The following PAFAH1B2 variants were observed in gnomAD, a reference collection of about 807,000 sequenced individuals.
PAFAH1B2 encodes platelet-activating factor acetylhydrolase IB subunit alpha2.
A neutral mutation model predicts 28.0 loss-of-function variants in PAFAH1B2; 8 were observed. The observed-to-expected ratio is 0.29, with a 90% CI of 0.17 to 0.52. The LOEUF (loss-of-function observed/expected upper bound fraction) is 0.52, where lower values mean the gene tolerates loss of function less well. Ranked by LOEUF, PAFAH1B2 falls within the 20% of genes least tolerant of loss-of-function variation. The pLI is 0.97. For synonymous variants in PAFAH1B2, 104 were observed against 103.2 expected (o/e 1.01, Z -0.05); for missense variants, 190 against 282.6 (o/e 0.67, Z 2.35).
In PAFAH1B2 at chr11:117,168,446, G is replaced by GTTTTTT. The variant is rs71469127; in HGVS notation, c.*767_*772dup. 2.5e-3 allele frequency: 580 copies of GTTTTTT among 235,362 alleles called. 1 individual carries two copies. The highest frequency in any genetic ancestry group is 6.1e-3 in the East Asian group (35 of 5,720). 14.6% of individuals were successfully genotyped at this position (235,362 alleles called of 1,614,324 possible). On this transcript the variant is annotated 3_prime_UTR_variant, in exon 6 of 6. Coordinates refer to ENST00000527958, the MANE Select transcript of PAFAH1B2 (RefSeq NM_002572.4). ...TCCCCTTCATTCCCCCCGCCACCCC[G>GTTTTTT]TTTTTTTTTTTTTTTTTTTTTTTTT...
At chr11:117,175,655 T>C, downstream of PAFAH1B2, 1 of 1,305,912 alleles carries the variant, frequency 7.7e-7, no homozygotes, top group Non-Finnish European at 9.8e-7. Flanking sequence ...CATAGCAAGC[T>C]TCTGGAGTGC....
intron 2 of PAFAH1B2, among the ~76,000 whole-genome samples, chr11:117,155,650 A>G (rs1956240798): frequency 6.6e-6 from 1 of 152,180 alleles, no homozygotes; most frequent in South Asian, 2.1e-4. Flanking sequence ...CCATAAAAAT[A>G]CTGATTTATT....
exon 6 of PAFAH1B2, chr11:117,176,180 G>A: frequency 2.0e-6 from 1 of 510,940 alleles, no homozygotes; most frequent in Middle Eastern, 4.5e-4. Flanking sequence ...TGAGGGGTTG[G>A]CCAAGGAAAC....
At position 117,164,596 on chromosome 11, in the gene PAFAH1B2, C is replaced by A. The variant is rs538898917; in HGVS notation, c.411+704C>A. Among the ~76,000 whole-genome samples, 3 of 152,250 alleles carry A rather than the reference C, an allele frequency of 2.0e-5. No individual in the cohort carries two copies. The East Asian group carries it at 5.8e-4, about 29-fold the overall frequency. On this transcript the variant is annotated intron_variant, in intron 5 of 5. Transcript: ENST00000527958. ...AAGGTGGTATATTAGACATTCTAAT[C>A]TTCTCTAAAACATAAAAAATTTCAT...
At chr11:117,177,684 G>A (rs778752703), downstream of PAFAH1B2, among the ~76,000 whole-genome samples, 8 of 152,172 alleles carry the variant, frequency 5.3e-5, no homozygotes, top group Admixed American at 1.3e-4. Context: ...ACAGGCACGC[G>A]TCACCACGCC....
chr11:117,170,930 C>A lies in PAFAH1B2; in HGVS notation c.*3231C>A, dbSNP rs1956637412. 11 of 1,058,022 alleles carry A rather than the reference C, an allele frequency of 1.0e-5. No homozygotes were observed. Among genetic ancestry groups the A allele is most frequent in the Non-Finnish European group, 1.1e-5 (10 of 874,662 alleles). The allele number at this position is 1,058,022 out of a possible 1,614,324, so 65.5% of individuals were successfully genotyped here. A position where few individuals can be genotyped will look rare whatever the true frequency, so the allele number is the denominator to read the frequency against. ...CCTGCTTGGGGATCACTGCTGCTAG[C>A]TGACTGGACCTCCCCATTGGAAGTT... On this transcript the variant is annotated 3_prime_UTR_variant, in exon 6 of 6. Transcript: ENST00000527958.
intron 2 of PAFAH1B2, among the ~76,000 whole-genome samples, chr11:117,155,798 G>C (rs1231044190): frequency 6.6e-6 from 1 of 152,020 alleles, no homozygotes; most frequent in Non-Finnish European, 1.5e-5. Context: ...GAGGCAAGAG[G>C]ATTGCTTAAG....
intron 1 of PAFAH1B2, among the ~76,000 whole-genome samples, chr11:117,144,799 C>A (rs768509150): frequency 6.6e-6 from 1 of 152,052 alleles, no homozygotes; most frequent in Non-Finnish European, 1.5e-5. Flanking sequence ...CCTTGCGCAC[C>A]CCAGCTCGCC....
intron 2 of PAFAH1B2, among the ~76,000 whole-genome samples, chr11:117,156,389 G>C (rs777872834): frequency 4.6e-5 from 7 of 152,116 alleles, no homozygotes; most frequent in Non-Finnish European, 1.0e-4. Flanking sequence ...CACAAATTAT[G>C]TACTTTCTTA....
intron 5 of PAFAH1B2, among the ~76,000 whole-genome samples, chr11:117,164,743 G>T (rs983666509): frequency 6.6e-6 from 1 of 151,446 alleles, no homozygotes; most frequent in African/African-American, 2.4e-5. Flanking sequence ...CAGTATAAAA[G>T]TCTAGCTGTA....
chr11:117,172,433 T>A, downstream of PAFAH1B2, among the ~76,000 whole-genome samples: 1 of 128,268 alleles, frequency 7.8e-6, no homozygotes, highest in East Asian at 2.3e-4. Flanking sequence ...TTTTTTTACA[T>A]TCTGGTCAAG....
At chr11:117,166,859 A>G (rs568694625) in intron 5 of PAFAH1B2, among the ~76,000 whole-genome samples, 34 of 152,334 alleles carry the variant, frequency 2.2e-4, no homozygotes, top group African/African-American at 7.7e-4. Context: ...GGGAAGACCA[A>G]TCAGGAGGTT....
downstream of PAFAH1B2, among the ~76,000 whole-genome samples, chr11:117,172,373 TATATATATATATATA>T (rs1956675020): frequency 1.8e-3 from 9 of 5,028 alleles, no homozygotes; most frequent in African/African-American, 4.1e-3. Flanking sequence ...TATATATATA[TATATATATATATATA>T]TATATATATA....
downstream of PAFAH1B2, among the ~76,000 whole-genome samples, chr11:117,172,238 T>C (rs1956663760): frequency 6.6e-6 from 1 of 151,922 alleles, no homozygotes. Context: ...CCCAATGACA[T>C]GTTTTTACAT....
intron 2 of PAFAH1B2, among the ~76,000 whole-genome samples, chr11:117,157,282 A>G (rs992347748): frequency 6.7e-6 from 1 of 149,718 alleles, no homozygotes; most frequent in African/African-American, 2.5e-5. Flanking sequence ...TTAAATAAAT[A>G]AATGAATATA....
At chr11:117,172,373 TATATATATATATATATA>T (rs1956675052), downstream of PAFAH1B2, among the ~76,000 whole-genome samples, 13 of 5,032 alleles carry the variant, frequency 2.6e-3, 1 homozygote, top group African/African-American at 6.0e-3. Context: ...TATATATATA[TATATATATATATATATA>T]TATATATATA....
At chr11:117,172,466 G>A (rs1427037152), downstream of PAFAH1B2, among the ~76,000 whole-genome samples, 2 of 141,726 alleles carry the variant, frequency 1.4e-5, no homozygotes, top group Non-Finnish European at 3.0e-5. Context: ...GCTTATAGTG[G>A]ATTCATAACA....
At chr11:117,171,831 C>A, downstream of PAFAH1B2, 1 of 1,016,456 alleles carries the variant, frequency 9.8e-7, no homozygotes, top group Non-Finnish European at 1.4e-6. Flanking sequence ...CTGTTCACCT[C>A]AGTGGTATAC....
chr11:117,145,707 G>C (rs2134158741), intron 1 of PAFAH1B2, among the ~76,000 whole-genome samples: 1 of 152,282 alleles, frequency 6.6e-6, no homozygotes, highest in East Asian at 1.9e-4. Context: ...TTCTTCTTCA[G>C]AATAACCATA....
Sources: allele counts gnomAD v4.1 joint callset (sites outside exome capture counted in the v4.1 genomes callset), GRCh38; gene constraint gnomAD v4.1.1; transcripts MANE v1.5; gene names NCBI Gene and HGNC (gene_info 2026-07-23, HGNC 2026-07-21).